The following PPM1H variants were observed in gnomAD, a reference collection of about 807,000 sequenced individuals.
PPM1H encodes the protein protein phosphatase, Mg2+/Mn2+ dependent 1H, also known as protein phosphatase 1H.
In PPM1H, 27 loss-of-function variants were observed where a neutral mutation model predicts 54.9. That is an observed-to-expected ratio of 0.49 (90% CI 0.36 to 0.68). The LOEUF is 0.68. Among genes scored for constraint, PPM1H ranks in the 30% least tolerant of loss-of-function variants. The pLI is 0.00. For synonymous variants in PPM1H, 305 were observed against 270.8 expected (o/e 1.13, Z -1.24); for missense variants, 596 against 667.8 (o/e 0.89, Z 1.19).
intron 1 of PPM1H, among the ~76,000 whole-genome samples, chr12:62,867,490 C>T (rs376193859): frequency 6.0e-5 from 9 of 150,770 alleles, no homozygotes; most frequent in African/African-American, 2.2e-4. Context: ...AAACAAAACA[C>T]GCTAGGATCT....
chr12:62,648,282 T>C lies in PPM1H; in HGVS notation c.*207A>G. The C allele has an allele frequency of 1.7e-6, 1 of 571,694 alleles. No individual in the cohort carries two copies. Among genetic ancestry groups the C allele is most frequent in the East Asian group, 3.0e-5 (1 of 33,028 alleles). The allele number at this position is 571,694 out of a possible 1,614,324, so 35.4% of individuals were successfully genotyped here. A position where few individuals can be genotyped will look rare whatever the true frequency, so the allele number is the denominator to read the frequency against. ...AACACTTGGTAGCAGCCTTTGTGTT[T>C]TGCTCTTGTTGAGTTGACCTGTTAC... On this transcript the variant is annotated 3_prime_UTR_variant, in exon 10 of 10. Coordinates refer to ENST00000228705, the MANE Select transcript of PPM1H (RefSeq NM_020700.2).
At chr12:62,802,183 GGAGT>G in intron 2 of PPM1H, 23 bp from the exon 3 acceptor site, 1 of 1,529,382 alleles carries the variant, frequency 6.5e-7, no homozygotes, top group Non-Finnish European at 8.8e-7. Flanking sequence ...ACGACAGGGA[GGAGT>G]GAGAACGGCT....
intron 1 of PPM1H, among the ~76,000 whole-genome samples, chr12:62,853,392 T>C (rs550631817): frequency 6.6e-6 from 1 of 152,206 alleles, no homozygotes; most frequent in African/African-American, 2.4e-5. Context: ...ATCTACATCT[T>C]GCTTTAATCC....
At chr12:62,885,526 C>T (rs936335536) in intron 1 of PPM1H, among the ~76,000 whole-genome samples, 7 of 152,130 alleles carry the variant, frequency 4.6e-5, no homozygotes, top group Non-Finnish European at 1.0e-4. Flanking sequence ...ATATAATGTA[C>T]CACAATCACA....
At chr12:62,756,295 G>A (rs1358261110) in intron 4 of PPM1H, 2 of 606,596 alleles carry the variant, frequency 3.3e-6, no homozygotes, top group Non-Finnish European at 6.2e-6. Context: ...TCACTGCTGG[G>A]AAGTCCCTGC....
At chr12:62,696,714 T>C (rs1386699070) in intron 6 of PPM1H, among the ~76,000 whole-genome samples, 6 of 152,244 alleles carry the variant, frequency 3.9e-5, no homozygotes, top group Non-Finnish European at 8.8e-5. Context: ...CCAGGCTCTG[T>C]GCTGACTTAT....
At chr12:62,785,690 T>A (rs1435775273) in intron 4 of PPM1H, among the ~76,000 whole-genome samples, 2 of 152,220 alleles carry the variant, frequency 1.3e-5, no homozygotes, top group South Asian at 4.1e-4. Flanking sequence ...GGTCTGGAAA[T>A]TGGCACCTAA....
chr12:62,689,810 G>A lies in PPM1H; in HGVS notation c.1138-4C>T. The A allele has an allele frequency of 6.2e-7, 1 of 1,606,340 alleles. No individual in the cohort carries two copies. Among genetic ancestry groups the A allele is most frequent in the Non-Finnish European group, 8.5e-7 (1 of 1,174,274 alleles). The stretch of plus-strand genomic sequence containing the variant: ...CAATAGTTGCCATTACCCGGGCCTA[G>A]GAGTATAAGCAGAGGGTCATCAGAA... On this transcript the variant is annotated splice_region_variant and splice_polypyrimidine_tract_variant and intron_variant, in intron 7 of 9. Coordinates refer to ENST00000228705, the MANE Select transcript of PPM1H (RefSeq NM_020700.2).
intron 4 of PPM1H, among the ~76,000 whole-genome samples, chr12:62,767,617 A>G (rs976452742): frequency 3.3e-5 from 5 of 152,182 alleles, no homozygotes; most frequent in African/African-American, 1.2e-4. Flanking sequence ...GTCAACTTCC[A>G]GTCTGGAGAA....
intron 4 of PPM1H, among the ~76,000 whole-genome samples, chr12:62,778,427 G>T (rs2076623362): frequency 6.6e-6 from 1 of 152,100 alleles, no homozygotes; most frequent in Admixed American, 6.5e-5. Flanking sequence ...ACCAGGCCTT[G>T]CCCCTAACAC....
intron 1 of PPM1H, among the ~76,000 whole-genome samples, chr12:62,891,339 C>A (rs936205851): frequency 6.6e-6 from 1 of 152,250 alleles, no homozygotes; most frequent in African/African-American, 2.4e-5. Context: ...ATAAGATGAA[C>A]CATTAGTTTA....
At position 62,802,073 on chromosome 12, in the gene PPM1H, G is replaced by A; in HGVS notation, c.499C>T (p.Gln167Ter). The part of the protein sequence containing the change: ...GAAVVASRLL[Q>*]HHITEQLQDI... ...TGCAGCTGCTCCGTGATGTGGTGCT[G>A]CAGCAGGCGTGACGCCACCACCGCG... Residue 167 changes from glutamine to a stop codon, truncating the protein, a stop_gained, in exon 3 of 10, where the codon CAG becomes TAG. Transcript: ENST00000228705. LOFTEE classifies it high-confidence loss of function. The A allele has an allele frequency of 6.2e-7, 1 of 1,612,828 alleles. No homozygotes were observed. The highest frequency in any genetic ancestry group is 8.5e-7 in the Non-Finnish European group (1 of 1,179,472).
intron 8 of PPM1H, among the ~76,000 whole-genome samples, chr12:62,681,510 G>T (rs540034727): frequency 5.9e-5 from 9 of 152,218 alleles, no homozygotes; most frequent in African/African-American, 2.2e-4. Context: ...AAGGACCTCT[G>T]GGGCAGTTAG....
At chr12:62,794,232 A>G (rs1174093132) in intron 3 of PPM1H, among the ~76,000 whole-genome samples, 11 of 152,212 alleles carry the variant, frequency 7.2e-5, no homozygotes. Context: ...AAAAACAAAG[A>G]GAACAAAACC....
chr12:62,932,182 C>T (rs1396811105), intron 1 of PPM1H, among the ~76,000 whole-genome samples: 1 of 151,026 alleles, frequency 6.6e-6, no homozygotes, highest in African/African-American at 2.4e-5. Flanking sequence ...AGTGGCCTTC[C>T]TAGGCTTCAA....
intron 7 of PPM1H, among the ~76,000 whole-genome samples, chr12:62,691,509 G>A (rs1397856100): frequency 1.3e-5 from 2 of 152,208 alleles, no homozygotes; most frequent in East Asian, 3.9e-4. Context: ...CTTTTTGAGG[G>A]CAAGGGTCAG....
At chr12:62,922,322 T>TGG (rs1852317005) in intron 1 of PPM1H, among the ~76,000 whole-genome samples, 1 of 140,682 alleles carries the variant, frequency 7.1e-6, no homozygotes, top group Admixed American at 7.4e-5. Flanking sequence ...ATTTTGTTTA[T>TGG]GGGGATAGGA....
intron 1 of PPM1H, among the ~76,000 whole-genome samples, chr12:62,842,341 T>A (rs919497879): frequency 6.6e-6 from 1 of 152,092 alleles, no homozygotes; most frequent in African/African-American, 2.4e-5. Context: ...AACAAAAAAT[T>A]TTTTTGAAAG....
chr12:62,787,786 AG>A (rs2076681612), intron 4 of PPM1H, among the ~76,000 whole-genome samples: 1 of 152,258 alleles, frequency 6.6e-6, no homozygotes, highest in South Asian at 2.1e-4. Context: ...AGGCAACTGC[AG>A]CTTCTAAGGG....
Sources: gnomAD v4.1 joint callset for allele counts (sites outside exome capture counted in the v4.1 genomes callset) on GRCh38, gnomAD v4.1.1 for gene constraint, MANE v1.5 for transcripts, NCBI Gene and HGNC (gene_info 2026-07-23, HGNC 2026-07-21) for gene names.